ZC3H12D: variants seen among roughly 807,000 people sequenced by gnomAD.
The protein encoded by ZC3H12D is zinc finger CCCH-type containing 12D, also known as probable ribonuclease ZC3H12D.
ZC3H12D carries 11 observed loss-of-function variants against 24.2 expected under a neutral mutation model. That is an observed-to-expected ratio of 0.46 (90% confidence interval 0.29 to 0.75). The LOEUF (loss-of-function observed/expected upper bound fraction) is 0.75, where lower values mean the gene tolerates loss of function less well. Among genes scored for constraint, ZC3H12D ranks in the 30% least tolerant of loss-of-function variants. The pLI is 0.11. For missense variants in ZC3H12D, 740 were observed against 767.7 expected (o/e 0.96, Z 0.43); for synonymous variants, 333 against 341.8 (o/e 0.97, Z 0.28).
chr6:149,450,473 C>T lies in ZC3H12D; in HGVS notation c.*210G>A. On this transcript the variant is annotated 3_prime_UTR_variant, in exon 6 of 6. Transcript: ENST00000409806. Reference sequence around the variant, plus strand: ...CTCCACGGAAGTGGGTGGACCTCCCCGCAGCAGGCCCCGGCCTCAGTGAGG... The same window carrying T: ...CTCCACGGAAGTGGGTGGACCTCCCTGCAGCAGGCCCCGGCCTCAGTGAGG... 3.7e-6 allele frequency: 2 copies of T among 545,426 alleles called. No homozygotes were observed. The highest frequency in any genetic ancestry group is 3.5e-5 in the Admixed American group (1 of 28,790). The allele number at this position is 545,426 out of a possible 1,614,324, so 33.8% of individuals were successfully genotyped here.
At chr6:149,474,157 A>G in intron 2 of ZC3H12D, 82 bp downstream of exon 2, 1 of 1,279,020 alleles carries the variant, frequency 7.8e-7, no homozygotes, top group Non-Finnish European at 1.0e-6. Flanking sequence ...TTTGGACCAA[A>G]CCACAAGGAA....
chr6:149,463,627 C>T lies in ZC3H12D; in HGVS notation c.306-1657G>A, dbSNP rs939244836. Reference sequence around the variant, plus strand: ...AGGGGGCTGAGGCAGGAGAATTGCTCGAACCTGGGAGGCGGAGGTTGTAGT... The same window carrying T: ...AGGGGGCTGAGGCAGGAGAATTGCTTGAACCTGGGAGGCGGAGGTTGTAGT... On this transcript the variant is annotated intron_variant, in intron 2 of 5. Transcript: ENST00000409806. Among the ~76,000 whole-genome samples the T allele has an allele frequency of 6.6e-5, 10 of 152,108 alleles. 1 individual carries two copies. Among genetic ancestry groups the T allele is most frequent in the East Asian group, 5.8e-4 (3 of 5,180 alleles).
intron 1 of ZC3H12D, among the ~76,000 whole-genome samples, chr6:149,475,795 G>C (rs1299079844): frequency 6.6e-6 from 1 of 152,110 alleles, no homozygotes; most frequent in Non-Finnish European, 1.5e-5. Flanking sequence ...GGGGTTGGGG[G>C]GTGGCCTGGG....
chr6:149,463,936 T>C (rs992055189), intron 2 of ZC3H12D, among the ~76,000 whole-genome samples: 1 of 152,224 alleles, frequency 6.6e-6, no homozygotes, highest in African/African-American at 2.4e-5. Flanking sequence ...GGAAAGATCA[T>C]GAGTTCTATT....
At chr6:149,467,965 C>T (rs1419176554) in intron 2 of ZC3H12D, among the ~76,000 whole-genome samples, 1 of 152,076 alleles carries the variant, frequency 6.6e-6, no homozygotes, top group East Asian at 1.9e-4. Flanking sequence ...GAGACAGGAG[C>T]TGGGAGTTTT....
chr6:149,476,671 G>A lies in ZC3H12D; in HGVS notation c.-70-2058C>T, dbSNP rs1776347277. On this transcript the variant is annotated intron_variant, in intron 1 of 5. Transcript: ENST00000409806. ...AAAAATACAAAAATTAGCGGGGCATGGTGGCGTTGGCCTGTAATCCCAGCT... is the reference window on the plus strand; with the variant it reads ...AAAAATACAAAAATTAGCGGGGCATAGTGGCGTTGGCCTGTAATCCCAGCT... 2.0e-5 allele frequency among the ~76,000 whole-genome samples: 3 copies of A among 152,204 alleles called. No individual in the cohort carries two copies. The Middle Eastern group carries it at 0.01, about 518-fold the overall frequency.
In ZC3H12D at chr6:149,452,543, T is replaced by G; in HGVS notation, c.787+73A>C. On this transcript the variant is annotated intron_variant, in intron 5 of 5. Coordinates refer to ENST00000409806, the MANE Select transcript of ZC3H12D (RefSeq NM_207360.3). The surrounding 1 kb of genome is among the most constrained non-coding windows in gnomAD (Gnocchi z 4.0). ...GGCCGCTGAGCACCAGGCCAGCGCTTTTTGACTGTGCTCCTGTACTGCCCC... is the reference window on the plus strand; with the variant it reads ...GGCCGCTGAGCACCAGGCCAGCGCTGTTTGACTGTGCTCCTGTACTGCCCC... 1 of 1,288,216 alleles carries G rather than the reference T, an allele frequency of 7.8e-7. No individual in the cohort carries two copies. The highest frequency in any genetic ancestry group is 1.7e-5 in the South Asian group (1 of 59,422). 79.8% of individuals were successfully genotyped at this position (1,288,216 alleles called of 1,614,324 possible).
intron 4 of ZC3H12D, among the ~76,000 whole-genome samples, chr6:149,454,297 T>C (rs1775945757): frequency 6.6e-6 from 1 of 152,262 alleles, no homozygotes; most frequent in Admixed American, 6.5e-5. Flanking sequence ...AATACTTTTG[T>C]TCCCAAGGCC....
chr6:149,456,621 C>T lies in ZC3H12D; in HGVS notation c.680+45G>A. The T allele has an allele frequency of 7.7e-7, 1 of 1,297,208 alleles. No individual in the cohort carries two copies. The highest frequency in any genetic ancestry group is 1.1e-6 in the Non-Finnish European group (1 of 906,314). 80.4% of individuals were successfully genotyped at this position (1,297,208 alleles called of 1,614,324 possible). A position where few individuals can be genotyped will look rare whatever the true frequency, so the allele number is the denominator to read the frequency against. The stretch of plus-strand genomic sequence containing the variant: ...TGGCCACTGCCTCGACCCCGGCCCC[C>T]CGCCCCGCCGCCCCCCAGGGTGTCA... On this transcript the variant is annotated intron_variant, in intron 4 of 5. Coordinates refer to ENST00000409806, the MANE Select transcript of ZC3H12D (RefSeq NM_207360.3). This position sits in a 1 kb window ranked among gnomAD's most constrained non-coding sequence, Gnocchi z 4.3.
chr6:149,484,172 G>A (rs1237453458), intron 1 of ZC3H12D, among the ~76,000 whole-genome samples: 2 of 152,166 alleles, frequency 1.3e-5, no homozygotes, highest in Admixed American at 6.5e-5. Flanking sequence ...GCATTGCCTG[G>A]CCTTAGAGAA....
chr6:149,450,868 C>A lies in ZC3H12D; in HGVS notation c.1399G>T (p.Val467Leu). ...CCCTCGTCGTCCTCGGTCGCGTACA[C>A]TGAAAGTCCCCCAGTGGCGCCGTCG... Reference protein sequence around the residue: ...WGDGATGGLSVYATEDDEGDA... With the variant: ...WGDGATGGLSLYATEDDEGDA... The change falls in exon 6 of 6, where the codon GTG becomes TTG. Residue 467 changes from valine (V) to leucine (L), a missense_variant. Val to Leu is a conservative substitution (Grantham distance 32). Transcript: ENST00000409806. The A allele has an allele frequency of 3.2e-6, 5 of 1,542,762 alleles. No homozygotes were observed. The highest frequency in any genetic ancestry group is 3.9e-5 in the Admixed American group (2 of 50,986).
chr6:149,454,697 C>T (rs1299868986), intron 4 of ZC3H12D, among the ~76,000 whole-genome samples: 2 of 152,232 alleles, frequency 1.3e-5, no homozygotes, highest in African/African-American at 4.8e-5. Context: ...GAGGCCAGTG[C>T]GTCAAAAGGA....
chr6:149,457,988 C>T (rs963521031), intron 3 of ZC3H12D, among the ~76,000 whole-genome samples: 2 of 152,160 alleles, frequency 1.3e-5, no homozygotes, highest in African/African-American at 2.4e-5. Flanking sequence ...CCTCAGTCTG[C>T]GATCCTCTCC....
At chr6:149,465,625 T>A (rs1015781955) in intron 2 of ZC3H12D, among the ~76,000 whole-genome samples, 1 of 151,756 alleles carries the variant, frequency 6.6e-6, no homozygotes, top group Non-Finnish European at 1.5e-5. Context: ...TGTGATGGCA[T>A]GCACATGTAG....
chr6:149,483,806 C>A (rs1174892829), intron 1 of ZC3H12D, among the ~76,000 whole-genome samples: 3 of 152,096 alleles, frequency 2.0e-5, no homozygotes, highest in African/African-American at 7.2e-5. Flanking sequence ...CCTCCCTGGC[C>A]CCACAAAGTG....
At chr6:149,463,316 A>T (rs1776104662) in intron 2 of ZC3H12D, among the ~76,000 whole-genome samples, 1 of 152,238 alleles carries the variant, frequency 6.6e-6, no homozygotes, top group Non-Finnish European at 1.5e-5. Flanking sequence ...CCTTGCAGAC[A>T]TTATGGAAGA....
intron 4 of ZC3H12D, among the ~76,000 whole-genome samples, chr6:149,453,606 T>A (rs1393630396): frequency 6.6e-6 from 1 of 151,904 alleles, no homozygotes; most frequent in Admixed American, 6.6e-5. Flanking sequence ...CCATCCTGGA[T>A]GACAGAGTGA....
chr6:149,475,590 C>T (rs545387114), intron 1 of ZC3H12D, among the ~76,000 whole-genome samples: 21 of 152,318 alleles, frequency 1.4e-4, no homozygotes, highest in South Asian at 2.1e-4. Flanking sequence ...GTGGCGCACG[C>T]CTGTAATCCC....
chr6:149,456,987 G>T lies in ZC3H12D; in HGVS notation c.446-87C>A. ...CCCAACGCGAGGCCACCCGCTTCCC[G>T]GGCCGGTCAGATGAGGTTTTGAGGG... is the stretch of plus-strand genomic sequence containing the variant. On this transcript the variant is annotated intron_variant, in intron 3 of 5. Coordinates refer to ENST00000409806, the MANE Select transcript of ZC3H12D (RefSeq NM_207360.3). The surrounding 1 kb of genome is among the most constrained non-coding windows in gnomAD (Gnocchi z 4.3). The T allele has an allele frequency of 7.4e-7, 1 of 1,346,808 alleles. No individual in the cohort carries two copies. Among genetic ancestry groups the T allele is most frequent in the Non-Finnish European group, 1.0e-6 (1 of 984,702 alleles). The allele number at this position is 1,346,808 out of a possible 1,614,324, so 83.4% of individuals were successfully genotyped here.
Sources: gnomAD v4.1 joint callset for allele counts (sites outside exome capture counted in the v4.1 genomes callset) on GRCh38, gnomAD v4.1.1 for gene constraint, Gnocchi (gnomAD v3.1) non-coding constraint, MANE v1.5 for transcripts, NCBI Gene and HGNC (gene_info 2026-07-23, HGNC 2026-07-21) for gene names.